The following DGKB variants were observed in gnomAD, a reference collection of about 807,000 sequenced individuals.
DGKB encodes 90 kDa diacylglycerol kinase.
In DGKB, 67 loss-of-function variants were observed where a neutral mutation model predicts 114.3. The ratio of observed to expected loss-of-function variants is 0.59; its 90% CI spans 0.48 to 0.72. The LOEUF (loss-of-function observed/expected upper bound fraction) is 0.72, where lower values mean the gene tolerates loss of function less well. Among genes scored for constraint, DGKB ranks in the 30% least tolerant of loss-of-function variants. DGKB has a pLI of 0.00. For synonymous variants in DGKB, 398 were observed against 323.1 expected (o/e 1.23, Z -2.49); for missense variants, 907 against 975.2 (o/e 0.93, Z 0.93).
chr7:14,805,196 A>G (rs1047148603), intron 2 of DGKB, among the ~76,000 whole-genome samples: 2 of 152,092 alleles, frequency 1.3e-5, no homozygotes, highest in African/African-American at 4.8e-5. Flanking sequence ...AGTGCAGCAT[A>G]GCGCTATCAC....
At chr7:14,377,826 G>A (rs1322974868) in intron 21 of DGKB, among the ~76,000 whole-genome samples, 1 of 152,130 alleles carries the variant, frequency 6.6e-6, no homozygotes, top group African/African-American at 2.4e-5. Context: ...CCCAGGGTAG[G>A]TTATACTCCT....
At chr7:14,651,280 C>T (rs1585355956) in intron 13 of DGKB, among the ~76,000 whole-genome samples, 1 of 152,218 alleles carries the variant, frequency 6.6e-6, no homozygotes, top group East Asian at 1.9e-4. Flanking sequence ...TCCAGCAGCA[C>T]ATCAAAAAGC....
At chr7:14,601,814 G>A (rs193265403) in intron 17 of DGKB, among the ~76,000 whole-genome samples, 52 of 152,112 alleles carry the variant, frequency 3.4e-4, no homozygotes, top group Middle Eastern at 6.8e-3. Context: ...CCCCATTTTC[G>A]TATGAAACCT....
At chr7:14,615,187 G>C (rs1222705144) in intron 15 of DGKB, among the ~76,000 whole-genome samples, 2 of 151,806 alleles carry the variant, frequency 1.3e-5, no homozygotes, top group Non-Finnish European at 2.9e-5. Flanking sequence ...AGTAGAAATG[G>C]GAATCTCAAA....
intron 21 of DGKB, among the ~76,000 whole-genome samples, chr7:14,395,215 C>T (rs183957055): frequency 7.2e-5 from 11 of 152,160 alleles, no homozygotes; most frequent in Admixed American, 5.9e-4. Context: ...TTCTTCCAAA[C>T]ATAAAGGCAA....
chr7:14,970,152 T>C (rs906081347), intron 1 of DGKB, among the ~76,000 whole-genome samples: 2 of 152,180 alleles, frequency 1.3e-5, no homozygotes, highest in Non-Finnish European at 2.9e-5. Flanking sequence ...CAATCATTCA[T>C]TATTTCATTT....
At chr7:14,378,293 G>A (rs1818821388) in intron 21 of DGKB, among the ~76,000 whole-genome samples, 1 of 152,132 alleles carries the variant, frequency 6.6e-6, no homozygotes, top group Non-Finnish European at 1.5e-5. Context: ...GGGAAGAGAA[G>A]ATGATATTCT....
At chr7:14,564,796 T>C (rs965213124) in intron 20 of DGKB, among the ~76,000 whole-genome samples, 6 of 152,116 alleles carry the variant, frequency 3.9e-5, no homozygotes, top group Non-Finnish European at 8.8e-5. Flanking sequence ...ATATACTTTT[T>C]GTTTTCCTCC....
intron 23 of DGKB, among the ~76,000 whole-genome samples, chr7:14,277,805 A>G (rs951993568): frequency 4.6e-5 from 7 of 152,216 alleles, no homozygotes; most frequent in Non-Finnish European, 1.0e-4. Context: ...TTGCTGGATC[A>G]TATAGTAGTT....
chr7:14,489,638 A>C (rs1243872013), intron 20 of DGKB, among the ~76,000 whole-genome samples: 6 of 152,354 alleles, frequency 3.9e-5, no homozygotes, highest in Admixed American at 1.3e-4. Flanking sequence ...TTTGCAAAAT[A>C]AATCCAAGTC....
chr7:14,803,156 G>C (rs1212697588), intron 2 of DGKB, among the ~76,000 whole-genome samples: 1 of 151,686 alleles, frequency 6.6e-6, no homozygotes, highest in African/African-American at 2.4e-5. Flanking sequence ...TGTCTAGGCT[G>C]GTCTTGAACT....
chr7:14,627,840 G>A (rs535610455), intron 14 of DGKB, among the ~76,000 whole-genome samples: 24 of 151,914 alleles, frequency 1.6e-4, no homozygotes, highest in African/African-American at 4.1e-4. Context: ...CTACTTTGGC[G>A]GCTGAAGCAG....
chr7:14,464,143 A>G (rs1393821838), intron 21 of DGKB, among the ~76,000 whole-genome samples: 2 of 151,866 alleles, frequency 1.3e-5, no homozygotes, highest in East Asian at 3.9e-4. Context: ...CTTTAGTTAT[A>G]TTTGAAAATA....
chr7:14,253,120 C>T (rs1010593815), intron 23 of DGKB, among the ~76,000 whole-genome samples: 4 of 151,948 alleles, frequency 2.6e-5, no homozygotes, highest in African/African-American at 4.8e-5. Context: ...CTGCAACCTC[C>T]GCCTCCCGGG....
chr7:14,826,947 G>T (rs762417424), intron 2 of DGKB, among the ~76,000 whole-genome samples: 2 of 152,098 alleles, frequency 1.3e-5, no homozygotes, highest in African/African-American at 4.8e-5. Flanking sequence ...ATAGCCTAGT[G>T]AGCCATCTTT....
intron 23 of DGKB, among the ~76,000 whole-genome samples, chr7:14,278,587 T>C (rs1050490884): frequency 6.6e-6 from 1 of 152,150 alleles, no homozygotes; most frequent in African/African-American, 2.4e-5. Context: ...CTGGCAATGA[T>C]TTTTGGGGAT....
At chr7:14,687,555 C>G (rs1341162787) in intron 9 of DGKB, among the ~76,000 whole-genome samples, 1 of 152,074 alleles carries the variant, frequency 6.6e-6, no homozygotes, top group East Asian at 1.9e-4. Context: ...AAACTGCCTA[C>G]ATTTTAAAAT....
chr7:14,553,835 G>GAT (rs1795461085), intron 20 of DGKB, among the ~76,000 whole-genome samples: 1 of 127,416 alleles, frequency 7.8e-6, no homozygotes, highest in Non-Finnish European at 1.7e-5. Context: ...TACATATTTT[G>GAT]ATATATATAT....
intron 1 of DGKB, among the ~76,000 whole-genome samples, chr7:14,917,043 T>A (rs1267368153): frequency 6.6e-6 from 1 of 152,048 alleles, no homozygotes; most frequent in African/African-American, 2.4e-5. Flanking sequence ...ATAAGTCAAA[T>A]AAAATGTCTC....
Sources: gnomAD v4.1 joint callset for allele counts (sites outside exome capture counted in the v4.1 genomes callset) on GRCh38, gnomAD v4.1.1 for gene constraint, MANE v1.5 for transcripts, NCBI Gene and HGNC (gene_info 2026-07-23, HGNC 2026-07-21) for gene names.